Variants in CORIN observed in about 807,000 individuals in gnomAD.
The protein encoded by CORIN is corin, serine peptidase.
Under a neutral mutation model 125.3 loss-of-function variants are expected in CORIN, and 117 were observed. The ratio of observed to expected loss-of-function variants is 0.93; its 90% CI spans 0.80 to 1.09. The LOEUF is 1.09. Among genes scored for constraint, CORIN ranks in the 50% least tolerant of loss-of-function variants. CORIN has a pLI of 0.00. For synonymous variants in CORIN, 450 were observed against 466.4 expected (o/e 0.96, Z 0.45); for missense variants, 1,253 against 1,306.7 (o/e 0.96, Z 0.63).
At chr4:47,738,672 G>A (rs549417120) in intron 5 of CORIN, among the ~76,000 whole-genome samples, 8 of 152,226 alleles carry the variant, frequency 5.3e-5, no homozygotes, top group African/African-American at 1.4e-4. Context: ...CAAAGAGACT[G>A]GAACATATGC....
intron 5 of CORIN, among the ~76,000 whole-genome samples, chr4:47,722,138 A>C (rs1046439122): frequency 6.6e-6 from 1 of 152,268 alleles, no homozygotes; most frequent in African/African-American, 2.4e-5. Flanking sequence ...ATTTTCATCC[A>C]ATGTTTGCCT....
In CORIN at chr4:47,760,835, T is replaced by C. The variant is rs774471226; in HGVS notation, c.617+2544A>G. Among the ~76,000 whole-genome samples, 36 of 152,226 alleles carry C rather than the reference T, an allele frequency of 2.4e-4. 1 individual carries two copies. Among genetic ancestry groups the C allele is most frequent in the Non-Finnish European group, 8.8e-5 (6 of 68,032 alleles). On this transcript the variant is annotated intron_variant, in intron 4 of 21. Coordinates refer to ENST00000273857, the MANE Select transcript of CORIN (RefSeq NM_006587.4). ...TATCAATGATCTTAGCTAAATCTTC[T>C]AGATGACTTGCTGCAGCTTCTAAAT...
At chr4:47,659,781 T>C (rs10029017) in intron 12 of CORIN, among the ~76,000 whole-genome samples, 40,023 of 152,044 alleles carry the variant, frequency 0.26, 5,539 homozygotes, top group Admixed American at 0.36. Flanking sequence ...ACTATATCAC[T>C]ATGTAAAGCA....
chr4:47,824,100 G>C (rs893899204), intron 1 of CORIN, among the ~76,000 whole-genome samples: 7 of 150,168 alleles, frequency 4.7e-5, no homozygotes, highest in African/African-American at 1.5e-4. Context: ...TCTATGGAAA[G>C]CAATCAATGC....
At chr4:47,715,845 G>T (rs17601572) in intron 5 of CORIN, among the ~76,000 whole-genome samples, 14,971 of 152,226 alleles carry the variant, frequency 0.098, 864 homozygotes, top group East Asian at 0.27. Context: ...ATGAGGCAGA[G>T]ATAAATTTCT....
chr4:47,824,109 G>C (rs1425907199), intron 1 of CORIN, among the ~76,000 whole-genome samples: 1 of 148,780 alleles, frequency 6.7e-6, no homozygotes, highest in East Asian at 2.0e-4. Flanking sequence ...AGCAATCAAT[G>C]CTATTCCTTT....
intron 5 of CORIN, among the ~76,000 whole-genome samples, chr4:47,742,121 A>G (rs1728431166): frequency 6.6e-6 from 1 of 152,040 alleles, no homozygotes; most frequent in Admixed American, 6.5e-5. Context: ...AAAAAATAAT[A>G]CATCATCTTA....
Position 47,678,066 on chromosome 4 carries a change from C to G in CORIN, c.1133-12G>C. ...CTGGCTGTGACAGGCTAGGAAGGAC[C>G]ATAACAATATTCACTTTATTTATTA... On this transcript the variant is annotated splice_polypyrimidine_tract_variant and intron_variant, in intron 8 of 21. Coordinates refer to ENST00000273857, the MANE Select transcript of CORIN (RefSeq NM_006587.4). The G allele has an allele frequency of 5.2e-6, 8 of 1,553,242 alleles. No individual in the cohort carries two copies. The highest frequency in any genetic ancestry group is 7.1e-6 in the Non-Finnish European group (8 of 1,124,518).
intron 1 of CORIN, chr4:47,837,427 C>A (rs1577968536): frequency 4.2e-6 from 1 of 240,132 alleles, no homozygotes; most frequent in East Asian, 1.5e-4. Context: ...GCGCCCGAGA[C>A]GCCGGCGCAG....
intron 5 of CORIN, among the ~76,000 whole-genome samples, chr4:47,723,999 A>AG (rs1727473173): frequency 1.3e-5 from 2 of 151,182 alleles, no homozygotes; most frequent in African/African-American, 4.8e-5. Flanking sequence ...CCATCTCAAA[A>AG]AAAAAAAAAA....
chr4:47,711,396 C>T (rs914320423), intron 5 of CORIN, among the ~76,000 whole-genome samples: 10 of 152,334 alleles, frequency 6.6e-5, no homozygotes, highest in African/African-American at 2.2e-4. Flanking sequence ...AAGGTCTCTC[C>T]AACAGAATGG....
At chr4:47,675,214 A>C (rs765627561) in intron 9 of CORIN, among the ~76,000 whole-genome samples, 15 of 152,282 alleles carry the variant, frequency 9.9e-5, no homozygotes, top group Non-Finnish European at 2.1e-4. Context: ...GAAGGTAATA[A>C]ATTACTGCCC....
chr4:47,659,101 C>T (rs1409129748), intron 12 of CORIN, among the ~76,000 whole-genome samples: 1 of 152,172 alleles, frequency 6.6e-6, no homozygotes, highest in African/African-American at 2.4e-5. Flanking sequence ...GTGAACCTTT[C>T]CCCCGGTTCC....
At chr4:47,784,288 G>C (rs558264494) in intron 3 of CORIN, among the ~76,000 whole-genome samples, 1 of 152,272 alleles carries the variant, frequency 6.6e-6, no homozygotes, top group South Asian at 2.1e-4. Flanking sequence ...ACAGTATACT[G>C]AGAGTCTATG....
intron 2 of CORIN, among the ~76,000 whole-genome samples, chr4:47,804,896 G>A (rs191248840): frequency 2.4e-3 from 371 of 151,626 alleles, no homozygotes; most frequent in Non-Finnish European, 3.9e-3. Context: ...AAGATTTTTG[G>A]GAGGCCGAGA....
At chr4:47,742,281 G>C (rs959080727) in intron 5 of CORIN, among the ~76,000 whole-genome samples, 1 of 151,808 alleles carries the variant, frequency 6.6e-6, no homozygotes, top group South Asian at 2.1e-4. Context: ...GTGAAATATT[G>C]AAAACCTTCT....
intron 2 of CORIN, among the ~76,000 whole-genome samples, chr4:47,800,526 GATA>G (rs774197544): frequency 1.6e-4 from 24 of 152,212 alleles, no homozygotes; most frequent in Non-Finnish European, 2.5e-4. Flanking sequence ...TCTGTCCAGG[GATA>G]ATAACTATAA....
chr4:47,798,124 A>G (rs981976192), intron 2 of CORIN, among the ~76,000 whole-genome samples: 1 of 152,196 alleles, frequency 6.6e-6, no homozygotes, highest in Non-Finnish European at 1.5e-5. Context: ...CAACCTTTGT[A>G]GCTCTAGCTT....
At chr4:47,663,189 T>G (rs1023032151) in intron 11 of CORIN, among the ~76,000 whole-genome samples, 1 of 152,136 alleles carries the variant, frequency 6.6e-6, no homozygotes, top group Admixed American at 6.6e-5. Flanking sequence ...CTTATCATAG[T>G]CCTTGTAGTG....
Sources: gnomAD v4.1 joint callset for allele counts (sites outside exome capture counted in the v4.1 genomes callset) on GRCh38, gnomAD v4.1.1 for gene constraint, MANE v1.5 for transcripts, NCBI Gene and HGNC (gene_info 2026-07-23, HGNC 2026-07-21) for gene names.